HECW2: variants seen among roughly 807,000 people sequenced by gnomAD.
The protein encoded by HECW2 is HECT, C2 and WW domain containing E3 ubiquitin protein ligase 2.
Under a neutral mutation model 175.2 loss-of-function variants are expected in HECW2, and 61 were observed. The ratio of observed to expected loss-of-function variants is 0.35; its 90% CI spans 0.28 to 0.43. HECW2 has a LOEUF of 0.43. HECW2 is among the 20% of genes least tolerant of loss of function. The probability of loss-of-function intolerance (pLI) is 1.00; values close to 1 mark genes in which losing one functional copy is unlikely to be tolerated. For missense variants in HECW2, 1,524 were observed against 2,000.5 expected (o/e 0.76, Z 4.54); for synonymous variants, 671 against 731.0 (o/e 0.92, Z 1.32).
chr2:196,523,935 G>C (rs1181662998), intron 1 of HECW2, among the ~76,000 whole-genome samples: 14 of 152,274 alleles, frequency 9.2e-5, no homozygotes, highest in African/African-American at 2.2e-4. Context: ...GTCTAAAATT[G>C]TCTTTTTTGA....
chr2:196,499,961 A>C (rs1481980288), intron 1 of HECW2, among the ~76,000 whole-genome samples: 1 of 152,182 alleles, frequency 6.6e-6, no homozygotes, highest in African/African-American at 2.4e-5. Flanking sequence ...CTTGTGTATT[A>C]CATTTATACT....
At chr2:196,401,041 A>T (rs1040022532) in intron 2 of HECW2, among the ~76,000 whole-genome samples, 3 of 152,162 alleles carry the variant, frequency 2.0e-5, no homozygotes, top group Non-Finnish European at 2.9e-5. Flanking sequence ...CTGAAACAAC[A>T]TTTCTGTAGG....
chr2:196,380,515 T>G (rs1015474239), intron 2 of HECW2, among the ~76,000 whole-genome samples: 4 of 152,224 alleles, frequency 2.6e-5, no homozygotes, highest in Non-Finnish European at 5.9e-5. Flanking sequence ...CCACCTCAGG[T>G]AAGTGCAGTG....
intron 1 of HECW2, among the ~76,000 whole-genome samples, chr2:196,470,252 C>G (rs371321772): frequency 5.3e-5 from 8 of 152,006 alleles, no homozygotes; most frequent in African/African-American, 1.9e-4. Flanking sequence ...CAGTTTCTGA[C>G]CACTATACTC....
Position 196,504,616 on chromosome 2 carries a change from C to A in HECW2, c.-35-71158G>T, listed in dbSNP as rs113489319. Reference sequence around the variant, plus strand: ...CACCAGTCTACTCTTTAGAGTTCAGCAAGCCTCTACACCAGCCCTCACTCT... The same window carrying A: ...CACCAGTCTACTCTTTAGAGTTCAGAAAGCCTCTACACCAGCCCTCACTCT... On this transcript the variant is annotated intron_variant, in intron 1 of 28. Coordinates refer to ENST00000644978, the MANE Select transcript of HECW2 (RefSeq NM_001348768.2). Among the ~76,000 whole-genome samples the A allele has an allele frequency of 2.9e-3, 444 of 152,330 alleles. 1 individual carries two copies. The highest frequency in any genetic ancestry group is 0.01 in the African/African-American group (419 of 41,590).
chr2:196,378,671 G>A (rs1020239335), intron 2 of HECW2, among the ~76,000 whole-genome samples: 1 of 152,120 alleles, frequency 6.6e-6, no homozygotes, highest in African/African-American at 2.4e-5. Flanking sequence ...AGAATGAACA[G>A]TATTTCAAAG....
At position 196,423,857 on chromosome 2, in the gene HECW2, A is replaced by G. The variant is rs547239612; in HGVS notation, c.292+9275T>C. On this transcript the variant is annotated intron_variant, in intron 2 of 28. Transcript: ENST00000644978. The stretch of plus-strand genomic sequence containing the variant: ...CTGACTTCATTTCCTTTGGATATGT[A>G]TACCCATAAGTGGGATTGCTGGGTC... Among the ~76,000 whole-genome samples, 4 of 152,238 alleles carry G rather than the reference A, an allele frequency of 2.6e-5. No homozygotes were observed. In the East Asian group the frequency reaches 7.7e-4, roughly 29 times the overall value.
At chr2:196,387,719 G>A (rs1231053079) in intron 2 of HECW2, among the ~76,000 whole-genome samples, 1 of 152,066 alleles carries the variant, frequency 6.6e-6, no homozygotes, top group Non-Finnish European at 1.5e-5. Flanking sequence ...TATATCTCCA[G>A]GGATCAGAAT....
chr2:196,304,199 C>G (rs1691176601), intron 13 of HECW2, among the ~76,000 whole-genome samples: 5 of 152,180 alleles, frequency 3.3e-5, no homozygotes, highest in Admixed American at 3.3e-4. Context: ...CTCATTCCTA[C>G]CCCTGAGTCT....
chr2:196,320,394 G>A lies in HECW2; in HGVS notation c.930C>T (p.Asp310=), dbSNP rs1691897042. The change falls in exon 8 of 29, where the codon GAC becomes GAT. Residue 310 remains aspartate (D), a synonymous_variant. Transcript: ENST00000644978. ...TAAACTGGAGGTACCCACTCACGTGGTCAGCTGGGAGCCTTCTGCCAAGGT... is the reference window on the plus strand; with the variant it reads ...TAAACTGGAGGTACCCACTCACGTGATCAGCTGGGAGCCTTCTGCCAAGGT... ...SYNLGRRLPA[D]HVSGYLQFKV... 8 of 1,613,126 alleles carry A rather than the reference G, an allele frequency of 5.0e-6. No homozygotes were observed. Among genetic ancestry groups the A allele is most frequent in the African/African-American group, 1.3e-5 (1 of 74,896 alleles).
At chr2:196,356,166 T>C (rs1401684165) in intron 2 of HECW2, among the ~76,000 whole-genome samples, 2 of 152,194 alleles carry the variant, frequency 1.3e-5, no homozygotes, top group Non-Finnish European at 2.9e-5. Flanking sequence ...GAACCTACTA[T>C]GTGCCAGTGC....
At chr2:196,345,460 T>C (rs1164097917) in intron 2 of HECW2, among the ~76,000 whole-genome samples, 1 of 152,216 alleles carries the variant, frequency 6.6e-6, no homozygotes, top group African/African-American at 2.4e-5. Flanking sequence ...TGGAACCCTA[T>C]GGAAAACTGT....
At chr2:196,553,707 T>G (rs904210067) in intron 1 of HECW2, among the ~76,000 whole-genome samples, 1 of 152,220 alleles carries the variant, frequency 6.6e-6, no homozygotes, top group African/African-American at 2.4e-5. Flanking sequence ...TCTGTAGAAG[T>G]CTTCAGGCCA....
intron 2 of HECW2, among the ~76,000 whole-genome samples, chr2:196,368,673 T>C (rs1693822233): frequency 6.6e-6 from 1 of 152,136 alleles, no homozygotes; most frequent in African/African-American, 2.4e-5. Context: ...TTTTATTCTT[T>C]TTTGTCTCCT....
chr2:196,214,982 C>G (rs1208918908), intron 28 of HECW2, among the ~76,000 whole-genome samples: 1 of 152,054 alleles, frequency 6.6e-6, no homozygotes, highest in East Asian at 1.9e-4. Context: ...CTTGGGGTAC[C>G]TAATATCATT....
intron 1 of HECW2, among the ~76,000 whole-genome samples, chr2:196,463,093 T>C (rs768098593): frequency 6.6e-6 from 1 of 152,186 alleles, no homozygotes; most frequent in Non-Finnish European, 1.5e-5. Context: ...GGACATCCAA[T>C]AACCCAGTGC....
chr2:196,512,490 C>G (rs1687987328), intron 1 of HECW2, among the ~76,000 whole-genome samples: 1 of 152,206 alleles, frequency 6.6e-6, no homozygotes, highest in East Asian at 1.9e-4. Context: ...CTCTCAGGCT[C>G]AAGCAGTCCT....
intron 14 of HECW2, among the ~76,000 whole-genome samples, chr2:196,286,831 C>T (rs957832577): frequency 1.4e-4 from 21 of 152,132 alleles, no homozygotes; most frequent in African/African-American, 5.1e-4. Context: ...AAGTAGACAA[C>T]ATATTTTTCA....
chr2:196,472,599 G>A (rs1213526535), intron 1 of HECW2, among the ~76,000 whole-genome samples: 2 of 151,906 alleles, frequency 1.3e-5, no homozygotes, highest in African/African-American at 2.4e-5. Context: ...CTCTGTAGGA[G>A]GAAGATGACT....
Sources: gnomAD v4.1 joint callset for allele counts (sites outside exome capture counted in the v4.1 genomes callset) on GRCh38, gnomAD v4.1.1 for gene constraint, MANE v1.5 for transcripts, NCBI Gene and HGNC (gene_info 2026-07-23, HGNC 2026-07-21) for gene names.